KCNAB1: variants seen among roughly 807,000 people sequenced by gnomAD.
KCNAB1 encodes voltage-gated potassium channel subunit beta-1.
A neutral mutation model predicts 64.6 loss-of-function variants in KCNAB1; 35 were observed. The ratio of observed to expected loss-of-function variants is 0.54; its 90% CI spans 0.41 to 0.72. KCNAB1 has a LOEUF of 0.72. Ranked by LOEUF, KCNAB1 falls within the 30% of genes least tolerant of loss-of-function variation. KCNAB1 has a pLI of 0.00. For missense variants in KCNAB1, 401 were observed against 512.9 expected, an observed-to-expected ratio of 0.78 and a Z score of 2.11; for synonymous variants, 177 against 183.8, an observed-to-expected ratio of 0.96 and a Z score of 0.30.
At chr3:156,122,371 G>C (rs1274663306) in intron 1 of KCNAB1, among the ~76,000 whole-genome samples, 1 of 152,116 alleles carries the variant, frequency 6.6e-6, no homozygotes, top group African/African-American at 2.4e-5. Context: ...CTTGACTTGC[G>C]ATATACCAGA....
chr3:156,257,634 C>A (rs1294052559), intron 1 of KCNAB1, among the ~76,000 whole-genome samples: 2 of 152,132 alleles, frequency 1.3e-5, no homozygotes, highest in Non-Finnish European at 2.9e-5. Context: ...CTATAGGGAG[C>A]ACACTTTTCT....
intron 1 of KCNAB1, among the ~76,000 whole-genome samples, chr3:156,286,900 T>C (rs956841753): frequency 6.6e-6 from 1 of 152,200 alleles, no homozygotes; most frequent in African/African-American, 2.4e-5. Context: ...TTAGGCAAGT[T>C]ATTTAACTTC....
intron 1 of KCNAB1, among the ~76,000 whole-genome samples, chr3:156,197,632 C>T (rs7620808): frequency 0.49 from 73,828 of 151,948 alleles, 19,077 homozygotes; most frequent in East Asian, 0.8. Context: ...TTCTGTGGGA[C>T]CAGTGGTGAT....
chr3:156,399,605 A>G (rs926002351), intron 1 of KCNAB1, among the ~76,000 whole-genome samples: 5 of 152,180 alleles, frequency 3.3e-5, no homozygotes, highest in East Asian at 1.9e-4. Context: ...AACACGGCCT[A>G]TGAGATCAGA....
At chr3:156,343,135 C>T (rs902294371) in intron 1 of KCNAB1, among the ~76,000 whole-genome samples, 13 of 152,280 alleles carry the variant, frequency 8.5e-5, no homozygotes, top group East Asian at 5.8e-4. Flanking sequence ...GGATTTTAAT[C>T]GTACAGCTAC....
intron 1 of KCNAB1, among the ~76,000 whole-genome samples, chr3:156,416,479 T>C (rs1715087299): frequency 6.6e-6 from 1 of 152,204 alleles, no homozygotes; most frequent in African/African-American, 2.4e-5. Flanking sequence ...TTCCTACTCT[T>C]CCTTTGGATC....
At chr3:156,308,651 C>T (rs751504135) in intron 1 of KCNAB1, among the ~76,000 whole-genome samples, 16 of 152,188 alleles carry the variant, frequency 1.1e-4, no homozygotes, top group East Asian at 1.9e-4. Flanking sequence ...GCCACTTATA[C>T]GTTCTTGATG....
At chr3:156,378,693 C>T (rs146082179) in intron 1 of KCNAB1, among the ~76,000 whole-genome samples, 4 of 152,256 alleles carry the variant, frequency 2.6e-5, no homozygotes, top group African/African-American at 7.2e-5. Context: ...TTCTGGATGG[C>T]GGGCTTCATG....
At chr3:156,497,956 C>T (rs1716119955) in intron 8 of KCNAB1, among the ~76,000 whole-genome samples, 1 of 152,148 alleles carries the variant, frequency 6.6e-6, no homozygotes, top group African/African-American at 2.4e-5. Flanking sequence ...AATAAACTCA[C>T]ACTAACTTGG....
At chr3:156,290,251 C>T (rs1046935655) in intron 1 of KCNAB1, among the ~76,000 whole-genome samples, 2 of 152,244 alleles carry the variant, frequency 1.3e-5, no homozygotes, top group East Asian at 1.9e-4. Flanking sequence ...AGATGGCCTG[C>T]TCCTTGAGGA....
At position 156,283,095 on chromosome 3, in the gene KCNAB1, G is replaced by A. The variant is rs547526397; in HGVS notation, c.276-138521G>A. On this transcript the variant is annotated intron_variant, in intron 1 of 13. Transcript: ENST00000490337. ...TTACATTTTGGCATGATTTTGCAGC[G>A]GCTGGTACTGGTTGTTCCTTTCCAT... Among the ~76,000 whole-genome samples, 396 of 150,834 alleles carry A rather than the reference G, an allele frequency of 2.6e-3. 1 individual carries two copies. The highest frequency in any genetic ancestry group is 6.4e-3 in the African/African-American group (264 of 41,162).
At chr3:156,457,625 T>C (rs1450639776) in intron 4 of KCNAB1, 93 bp downstream of exon 4, 13 of 1,121,790 alleles carry the variant, frequency 1.2e-5, no homozygotes, top group Non-Finnish European at 1.8e-5. Context: ...GAAAAGGTTC[T>C]GTCCTTTCTC....
At chr3:156,314,183 G>A (rs950382917) in intron 1 of KCNAB1, among the ~76,000 whole-genome samples, 1 of 152,216 alleles carries the variant, frequency 6.6e-6, no homozygotes, top group Non-Finnish European at 1.5e-5. Flanking sequence ...TATATACTGG[G>A]CACAGTTCAG....
chr3:156,460,877 C>T (rs1454494133), intron 5 of KCNAB1, among the ~76,000 whole-genome samples: 4 of 152,164 alleles, frequency 2.6e-5, no homozygotes, highest in Non-Finnish European at 5.9e-5. Context: ...TTTAGGGCTG[C>T]TTACTCCCCA....
intron 1 of KCNAB1, among the ~76,000 whole-genome samples, chr3:156,130,608 TCAGGCTG>T (rs1713938396): frequency 1.3e-5 from 2 of 152,254 alleles, no homozygotes; most frequent in African/African-American, 4.8e-5. Flanking sequence ...ATCTGGAGAC[TCAGGCTG>T]CAGACTGCAG....
chr3:156,120,239 T>C (rs1404555364), upstream of KCNAB1, among the ~76,000 whole-genome samples: 1 of 152,184 alleles, frequency 6.6e-6, no homozygotes, highest in African/African-American at 2.4e-5. Context: ...TCTAACATGA[T>C]TATCGAATGT....
intron 1 of KCNAB1, among the ~76,000 whole-genome samples, chr3:156,215,995 A>G (rs1374653137): frequency 2.0e-5 from 3 of 152,340 alleles, no homozygotes; most frequent in Non-Finnish European, 4.4e-5. Flanking sequence ...ACAATTTCAT[A>G]TGGTTCAACA....
intron 1 of KCNAB1, among the ~76,000 whole-genome samples, chr3:156,188,936 G>A (rs868848541): frequency 1.3e-5 from 2 of 152,154 alleles, no homozygotes; most frequent in Non-Finnish European, 2.9e-5. Context: ...GTGAGTCGTG[G>A]TGGGCCCTGG....
chr3:156,276,355 G>A (rs892400543), intron 1 of KCNAB1, among the ~76,000 whole-genome samples: 5 of 152,054 alleles, frequency 3.3e-5, no homozygotes, highest in African/African-American at 4.8e-5. Context: ...AATTCTTAAG[G>A]ACCCTAGGGT....
Sources: allele counts gnomAD v4.1 joint callset (sites outside exome capture counted in the v4.1 genomes callset), GRCh38; gene constraint gnomAD v4.1.1; transcripts MANE v1.5; gene names NCBI Gene and HGNC (gene_info 2026-07-23, HGNC 2026-07-21).